Variants in RNF2 observed in about 807,000 individuals in gnomAD.
RNF2 encodes E3 ubiquitin-protein ligase RING2.
Under a neutral mutation model 37.2 loss-of-function variants are expected in RNF2, and 6 were observed. That is an observed-to-expected ratio of 0.16 (90% CI 0.09 to 0.32). The LOEUF (loss-of-function observed/expected upper bound fraction) is 0.32, where lower values mean the gene tolerates loss of function less well. RNF2 is among the 10% of genes least tolerant of loss of function. The probability of loss-of-function intolerance (pLI) is 1.00; values close to 1 mark genes in which losing one functional copy is unlikely to be tolerated. For synonymous variants in RNF2, 133 were observed against 132.7 expected, an observed-to-expected ratio of 1.00 and a Z score of -0.02; for missense variants, 251 against 404.0, an observed-to-expected ratio of 0.62 and a Z score of 3.25.
rs1305174124 is a variant in RNF2 at position 185,099,962 on chromosome 1, T to C, written c.909T>C (p.Thr303=). 1.2e-6 allele frequency: 2 copies of C among 1,604,440 alleles called. No homozygotes were observed. Among genetic ancestry groups the C allele is most frequent in the Non-Finnish European group, 1.7e-6 (2 of 1,172,756 alleles). Residue 303 remains threonine, a splice_region_variant and synonymous_variant, in exon 6 of 7, where the codon ACT becomes ACC. Transcript: ENST00000367510. Reference sequence around the variant, plus strand: ...TAGCAACAGCCAGTGGCCAGTTCACTGTGAGTATTTAAAATAATAGACTGT... The same window carrying C: ...TAGCAACAGCCAGTGGCCAGTTCACCGTGAGTATTTAAAATAATAGACTGT... ...IYIATASGQF[T]VLNGSFSLEL...
At chr1:185,066,964 A>C (rs2102167512) in intron 1 of RNF2, among the ~76,000 whole-genome samples, 1 of 152,312 alleles carries the variant, frequency 6.6e-6, no homozygotes, top group South Asian at 2.1e-4. Context: ...TCTTAAAAAC[A>C]TTTCCTTGTA....
intron 4 of RNF2, among the ~76,000 whole-genome samples, 160 bp downstream of exon 4, chr1:185,093,436 A>G (rs1403660609): frequency 6.6e-6 from 1 of 152,208 alleles, no homozygotes; most frequent in Admixed American, 6.5e-5. Flanking sequence ...ATAATAGGGT[A>G]TTTCATTTAA....
chr1:185,100,439 AT>A lies in RNF2; in HGVS notation c.*140del. Reference sequence around the variant, plus strand: ...TTTCTGAGCCAGACTAGTTTACGCTATTCAAATCTTTTCCCCTTTATTTAAG... The same window carrying A: ...TTTCTGAGCCAGACTAGTTTACGCTATCAAATCTTTTCCCCTTTATTTAAG... On this transcript the variant is annotated 3_prime_UTR_variant, in exon 7 of 7. Coordinates refer to ENST00000367510, the MANE Select transcript of RNF2 (RefSeq NM_007212.4). The A allele has an allele frequency of 2.2e-6, 1 of 453,522 alleles. No individual in the cohort carries two copies. Among genetic ancestry groups the A allele is most frequent in the Non-Finnish European group, 3.9e-6 (1 of 256,008 alleles). The allele number at this position is 453,522 out of a possible 1,614,324, so 28.1% of individuals were successfully genotyped here.
intron 1 of RNF2, among the ~76,000 whole-genome samples, chr1:185,084,297 C>T (rs1367363446): frequency 5.9e-5 from 9 of 152,144 alleles, no homozygotes; most frequent in East Asian, 1.9e-4. Flanking sequence ...GCTTACCACT[C>T]GAATCAGCAT....
At chr1:185,080,048 C>A (rs1414864259) in intron 1 of RNF2, among the ~76,000 whole-genome samples, 1 of 152,160 alleles carries the variant, frequency 6.6e-6, no homozygotes, top group Admixed American at 6.5e-5. Flanking sequence ...CTGTTGGGAT[C>A]TAGGGAGCAC....
intron 1 of RNF2, among the ~76,000 whole-genome samples, chr1:185,076,281 T>G (rs1377019639): frequency 7.3e-4 from 34 of 46,560 alleles, no homozygotes; most frequent in African/African-American, 3.0e-3. Context: ...TTTTTTTTTT[T>G]TTTTTTTTTT....
chr1:185,058,005 G>T (rs1038640298), intron 1 of RNF2, among the ~76,000 whole-genome samples: 6 of 152,128 alleles, frequency 3.9e-5, no homozygotes, highest in African/African-American at 1.4e-4. Flanking sequence ...CACACCTATA[G>T]TCTCAGTTAC....
At chr1:185,070,273 G>A (rs944231661) in intron 1 of RNF2, among the ~76,000 whole-genome samples, 4 of 152,156 alleles carry the variant, frequency 2.6e-5, no homozygotes, top group Non-Finnish European at 5.9e-5. Context: ...AAAGCCTTAA[G>A]AGGTTGAGAA....
At chr1:185,055,359 G>A (rs1011648680) in intron 1 of RNF2, among the ~76,000 whole-genome samples, 2 of 152,180 alleles carry the variant, frequency 1.3e-5, no homozygotes, top group Non-Finnish European at 2.9e-5. Context: ...TCTTATTGGG[G>A]TGATAAACCT....
At chr1:185,095,937 GTATGTAGTAT>G (rs1264142283) in intron 4 of RNF2, among the ~76,000 whole-genome samples, 5 of 152,252 alleles carry the variant, frequency 3.3e-5, no homozygotes, top group Non-Finnish European at 5.9e-5. Flanking sequence ...CATCAGGACA[GTATGTAGTAT>G]TATAGACGTG....
chr1:185,077,595 G>T, intron 1 of RNF2, among the ~76,000 whole-genome samples: 1 of 139,972 alleles, frequency 7.1e-6, no homozygotes, highest in East Asian at 2.1e-4. Flanking sequence ...GTACATATGT[G>T]TGGTTTTTTA....
chr1:185,045,749 G>GT (rs1650093882), intron 1 of RNF2, 100 bp downstream of exon 1: 1 of 151,686 alleles, frequency 6.6e-6, no homozygotes, highest in Non-Finnish European at 1.5e-5. Context: ...GCCCCGGAGT[G>GT]TGGGGGGGGT....
At chr1:185,066,159 C>T (rs186620160) in intron 1 of RNF2, among the ~76,000 whole-genome samples, 4 of 152,246 alleles carry the variant, frequency 2.6e-5, no homozygotes, top group African/African-American at 7.2e-5. Flanking sequence ...TTTCTCAGAT[C>T]CATCCTTTAC....
chr1:185,084,643 C>T (rs139948806), intron 1 of RNF2, among the ~76,000 whole-genome samples: 2 of 152,156 alleles, frequency 1.3e-5, no homozygotes, highest in Non-Finnish European at 2.9e-5. Context: ...CTTCTCTTAG[C>T]TGTATTATCT....
intron 1 of RNF2, among the ~76,000 whole-genome samples, chr1:185,049,235 A>G (rs562589566): frequency 6.6e-6 from 1 of 152,280 alleles, no homozygotes; most frequent in East Asian, 1.9e-4. Flanking sequence ...TCAGGATCTC[A>G]TGCCACACTA....
Position 185,082,345 on chromosome 1 carries a change from C to CTTTTTTTTTTTTTTTTTTTTTTTTT in RNF2, c.-2-5185_-2-5184insTTTTTTTTTTTTTTTTTTTTTTTTT, listed in dbSNP as rs3036553. Among the ~76,000 whole-genome samples, 183 of 71,968 alleles carry CTTTTTTTTTTTTTTTTTTTTTTTTT rather than the reference C, an allele frequency of 2.5e-3. 35 individuals carry two copies. Among genetic ancestry groups the CTTTTTTTTTTTTTTTTTTTTTTTTT allele is most frequent in the Non-Finnish European group, 4.0e-3 (137 of 34,590 alleles). 47.2% of individuals were successfully genotyped at this position (71,968 alleles called of 152,430 possible). A position where few individuals can be genotyped will look rare whatever the true frequency, so the allele number is the denominator to read the frequency against. On this transcript the variant is annotated intron_variant, in intron 1 of 6. Transcript: ENST00000367510. ...CAAGGTTCTTGTCTCCTCTGCAGAA[C>CTTTTTTTTTTTTTTTTTTTTTTTTT]TTTTTTTTTTTTTTTTTTTTTTGAA...
chr1:185,046,209 G>A (rs1432399304), intron 1 of RNF2: 1 of 152,294 alleles, frequency 6.6e-6, no homozygotes, highest in Admixed American at 6.5e-5. Context: ...CTCGACCTCG[G>A]GGTTCCTCGG....
intron 1 of RNF2, among the ~76,000 whole-genome samples, chr1:185,055,176 C>G (rs938974392): frequency 6.6e-6 from 1 of 152,104 alleles, no homozygotes; most frequent in African/African-American, 2.4e-5. Flanking sequence ...ATCCTTAGGA[C>G]CAGAAGTATT....
intron 1 of RNF2, among the ~76,000 whole-genome samples, chr1:185,063,074 T>G (rs1650660853): frequency 2.0e-5 from 3 of 152,228 alleles, no homozygotes; most frequent in Admixed American, 1.3e-4. Flanking sequence ...TGGACAACTT[T>G]TTGCCAAGGG....
Sources: gnomAD v4.1 joint callset for allele counts (sites outside exome capture counted in the v4.1 genomes callset) on GRCh38, gnomAD v4.1.1 for gene constraint, MANE v1.5 for transcripts, NCBI Gene and HGNC (gene_info 2026-07-23, HGNC 2026-07-21) for gene names.